The following SLC36A1 variants were observed in gnomAD, a reference collection of about 807,000 sequenced individuals.
SLC36A1 encodes solute carrier family 36 member 1.
SLC36A1 carries 30 observed loss-of-function variants against 47.5 expected under a neutral mutation model. That is an observed-to-expected ratio of 0.63 (90% CI 0.47 to 0.86). The LOEUF (loss-of-function observed/expected upper bound fraction) is 0.86. Ranked by LOEUF, SLC36A1 falls within the 40% of genes least tolerant of loss-of-function variation. The pLI is 0.00. For synonymous variants in SLC36A1, 255 were observed against 249.7 expected (o/e 1.02, Z -0.20); for missense variants, 517 against 606.0 (o/e 0.85, Z 1.54).
At chr5:151,468,277 A>ATATATATATATATATATTT (rs1276231203) in intron 7 of SLC36A1, among the ~76,000 whole-genome samples, 3 of 101,020 alleles carry the variant, frequency 3.0e-5, no homozygotes, top group African/African-American at 1.2e-4. Context: ...ATATATATAT[A>ATATATATATATATATATTT]TATATATATA....
intron 1 of SLC36A1, among the ~76,000 whole-genome samples, chr5:151,457,324 G>A (rs1347835046): frequency 6.6e-6 from 1 of 151,986 alleles, no homozygotes; most frequent in East Asian, 1.9e-4. Flanking sequence ...GACCTGTGAA[G>A]GCTCATTTAG....
chr5:151,414,272 G>GA, the SLC36A1 span, among the ~76,000 whole-genome samples: 1 of 139,772 alleles, frequency 7.2e-6, no homozygotes, highest in Admixed American at 6.8e-5. Flanking sequence ...GTGGAGATGA[G>GA]AGACAAGAAG....
chr5:151,551,082 T>C, the SLC36A1 span, among the ~76,000 whole-genome samples: 1 of 152,208 alleles, frequency 6.6e-6, no homozygotes, highest in South Asian at 2.1e-4. Flanking sequence ...ACAAAAATTT[T>C]CTGGAAGGGC....
chr5:151,370,812 G>A, the SLC36A1 span, among the ~76,000 whole-genome samples: 2 of 152,074 alleles, frequency 1.3e-5, no homozygotes, highest in African/African-American at 4.8e-5. Flanking sequence ...GGCCAACATG[G>A]TGAAACCCCA....
Position 151,489,803 on chromosome 5 carries a change from G to A in SLC36A1, c.*1549G>A, listed in dbSNP as rs958606133. ...TGTATTTGTGCACGTGTGTGTGTAC[G>A]TGCGTGTGTGTGTGTGTTCCTGTGT... is the stretch of plus-strand genomic sequence containing the variant. On this transcript the variant is annotated 3_prime_UTR_variant, in exon 11 of 11. Coordinates refer to ENST00000243389, the MANE Select transcript of SLC36A1 (RefSeq NM_078483.4). The surrounding 1 kb of genome is among the most constrained non-coding windows in gnomAD (Gnocchi z 4.5). 9 of 152,190 alleles carry A rather than the reference G, an allele frequency of 5.9e-5. No homozygotes were observed. The highest frequency in any genetic ancestry group is 1.0e-4 in the Non-Finnish European group (7 of 68,082). The allele number at this position is 152,190 out of a possible 1,614,324, so 9.4% of individuals were successfully genotyped here. A position where few individuals can be genotyped will look rare whatever the true frequency, so the allele number is the denominator to read the frequency against.
the SLC36A1 span, chr5:151,540,567 C>T: frequency 1.2e-6 from 2 of 1,611,410 alleles, no homozygotes; most frequent in South Asian, 1.1e-5. Flanking sequence ...AGGCTCTCAC[C>T]TGTGAACACT....
At chr5:151,482,217 C>T (rs1392511806) in intron 10 of SLC36A1, among the ~76,000 whole-genome samples, 1 of 152,132 alleles carries the variant, frequency 6.6e-6, no homozygotes, top group Non-Finnish European at 1.5e-5. Context: ...ACTTTTTAGT[C>T]TTGCAGCTAC....
the SLC36A1 span, chr5:151,527,467 T>C: frequency 8.3e-6 from 11 of 1,328,278 alleles, no homozygotes; most frequent in Non-Finnish European, 1.0e-5. Flanking sequence ...TCAAAAAAAA[T>C]AAGAAGGAGA....
chr5:151,455,853 A>C (rs145833606), intron 1 of SLC36A1, among the ~76,000 whole-genome samples: 99 of 152,348 alleles, frequency 6.5e-4, no homozygotes, highest in African/African-American at 2.4e-3. Flanking sequence ...AATTCTCATC[A>C]GTTTACAGAA....
At chr5:151,407,211 G>C in the SLC36A1 span, among the ~76,000 whole-genome samples, 2 of 152,214 alleles carry the variant, frequency 1.3e-5, no homozygotes, top group South Asian at 4.1e-4. Flanking sequence ...AAGGGGACCC[G>C]AATGGGTTGC....
the SLC36A1 span, among the ~76,000 whole-genome samples, chr5:151,390,560 G>A: frequency 2.6e-5 from 4 of 152,012 alleles, no homozygotes; most frequent in South Asian, 2.1e-4. Context: ...TAAGTCTTTA[G>A]TCCATCTTGA....
the SLC36A1 span, chr5:151,538,060 C>T: frequency 1.2e-6 from 1 of 822,486 alleles, no homozygotes; most frequent in Non-Finnish European, 1.9e-6. Flanking sequence ...ACTAAGAGGG[C>T]AGAGACGAAG....
At chr5:151,544,887 T>C in the SLC36A1 span, 1 of 1,614,164 alleles carries the variant, frequency 6.2e-7, no homozygotes, top group Non-Finnish European at 8.5e-7. Context: ...CTGTGCCATC[T>C]TGGATGATTG....
the SLC36A1 span, among the ~76,000 whole-genome samples, chr5:151,430,658 G>C: frequency 6.6e-6 from 1 of 152,150 alleles, no homozygotes; most frequent in South Asian, 2.1e-4. Context: ...AACAGTTACT[G>C]TGTGCCAGGT....
chr5:151,367,361 A>AT, the SLC36A1 span, among the ~76,000 whole-genome samples: 14,832 of 118,870 alleles, frequency 0.12, 1,147 homozygotes, highest in Non-Finnish European at 0.16. Context: ...CCAGGAATGC[A>AT]TTTTTTTTTT....
chr5:151,453,205 CAATAAATAAATTAA>C, intron 1 of SLC36A1, among the ~76,000 whole-genome samples: 1 of 151,454 alleles, frequency 6.6e-6, no homozygotes, highest in East Asian at 2.0e-4. Flanking sequence ...ACTCCATCTC[CAATAAATAAATTAA>C]AATAAATAAA....
the SLC36A1 span, chr5:151,540,888 A>T: frequency 1.0e-5 from 8 of 793,796 alleles, no homozygotes; most frequent in South Asian, 9.5e-5. Flanking sequence ...TTCCTTCCTT[A>T]ACTAGGAACC....
the SLC36A1 span, among the ~76,000 whole-genome samples, chr5:151,516,627 C>T: frequency 6.6e-6 from 1 of 152,242 alleles, no homozygotes; most frequent in East Asian, 1.9e-4. Flanking sequence ...ATTTTCTGAG[C>T]TATTATGTTT....
chr5:151,465,831 G>A (rs577847797), intron 5 of SLC36A1, among the ~76,000 whole-genome samples: 1 of 152,032 alleles, frequency 6.6e-6, no homozygotes, highest in Non-Finnish European at 1.5e-5. Context: ...TTGGAGGTGG[G>A]AAGTATTTGC....
Sources: gnomAD v4.1 joint callset for allele counts (sites outside exome capture counted in the v4.1 genomes callset) on GRCh38, gnomAD v4.1.1 for gene constraint, Gnocchi (gnomAD v3.1) non-coding constraint, MANE v1.5 for transcripts, NCBI Gene and HGNC (gene_info 2026-07-23, HGNC 2026-07-21) for gene names.